The following COL26A1 variants were observed in gnomAD, a reference collection of about 807,000 sequenced individuals.
COL26A1 encodes the protein collagen alpha-1(XXVI) chain.
COL26A1 carries 41 observed loss-of-function variants against 59.3 expected under a neutral mutation model. The observed-to-expected ratio is 0.69, with a 90% CI of 0.54 to 0.90. The LOEUF (loss-of-function observed/expected upper bound fraction) is 0.90, where lower values mean the gene tolerates loss of function less well. Among genes scored for constraint, COL26A1 ranks in the 40% least tolerant of loss-of-function variants. The probability of loss-of-function intolerance (pLI) is 0.00; values close to 1 mark genes in which losing one functional copy is unlikely to be tolerated. For synonymous variants in COL26A1, 266 were observed against 256.0 expected, an observed-to-expected ratio of 1.04 and a Z score of -0.37; for missense variants, 612 against 602.3, an observed-to-expected ratio of 1.02 and a Z score of -0.17.
chr7:101,391,959 C>T (rs1003891698), intron 1 of COL26A1, among the ~76,000 whole-genome samples: 3 of 151,958 alleles, frequency 2.0e-5, no homozygotes, highest in Non-Finnish European at 4.4e-5. Flanking sequence ...CTCAAGTGAT[C>T]CTCCCGCCTC....
chr7:101,368,815 A>G (rs1791110013), intron 1 of COL26A1, among the ~76,000 whole-genome samples: 1 of 151,416 alleles, frequency 6.6e-6, no homozygotes, highest in Non-Finnish European at 1.5e-5. Flanking sequence ...TAGTACTATA[A>G]TTTTGACTCT....
rs567960401 is a variant in COL26A1, at chr7:101,435,354, G to GC, written c.282-12326dup. On this transcript the variant is annotated intron_variant, in intron 2 of 12. Transcript: ENST00000313669. ...AGACAGCTGTTCAGGCCATGTAGTC[G>GC]CCCCTGGAGGAAGCCCCTGGCTGGA... 4.6e-5 allele frequency among the ~76,000 whole-genome samples: 7 copies of GC among 152,132 alleles called. No individual in the cohort carries two copies. In the East Asian group the frequency reaches 9.6e-4, roughly 21 times the overall value.
chr7:101,489,168 A>AT (rs570855960), intron 3 of COL26A1, among the ~76,000 whole-genome samples: 8 of 150,468 alleles, frequency 5.3e-5, no homozygotes, highest in African/African-American at 1.2e-4. Context: ...GAGAGCCGTG[A>AT]TTTTTTTTTT....
chr7:101,540,537 TAAA>T (rs369850957), intron 5 of COL26A1, among the ~76,000 whole-genome samples: 1 of 119,114 alleles, frequency 8.4e-6, no homozygotes, highest in Non-Finnish European at 1.7e-5. Flanking sequence ...AAATTCCGTC[TAAA>T]AAAAAAAAAA....
intron 1 of COL26A1, among the ~76,000 whole-genome samples, chr7:101,414,940 C>T (rs925710545): frequency 7.2e-5 from 11 of 152,236 alleles, no homozygotes; most frequent in Non-Finnish European, 1.3e-4. Flanking sequence ...CTTTGCAGCT[C>T]AGCCTGTGGT....
rs1441678521 is a variant in COL26A1, at chr7:101,365,444, T to G, written c.158+2254T>G. On this transcript the variant is annotated intron_variant, in intron 1 of 12. Transcript: ENST00000313669. ...GTTTTTCTGGTTTCTGTGTTTTTTT[T>G]GAGACAGAGTCTCGCTCTGTCTCCC... 2.6e-5 allele frequency among the ~76,000 whole-genome samples: 4 copies of G among 152,122 alleles called. No individual in the cohort carries two copies. The East Asian group carries it at 5.8e-4, about 22-fold the overall frequency.
chr7:101,557,639 G>C lies in COL26A1; in HGVS notation c.*109G>C. 2 of 1,158,304 alleles carry C rather than the reference G, an allele frequency of 1.7e-6. No individual in the cohort carries two copies. Among genetic ancestry groups the C allele is most frequent in the Non-Finnish European group, 2.4e-6 (2 of 837,848 alleles). The allele number at this position is 1,158,304 out of a possible 1,614,324, so 71.8% of individuals were successfully genotyped here. ...CCAGGGGAACTGGGCTCCAGGCATG[G>C]ATGATTGTGAGGACATGGGGGGCTT... On this transcript the variant is annotated 3_prime_UTR_variant, in exon 13 of 13. Coordinates refer to ENST00000313669, the MANE Select transcript of COL26A1 (RefSeq NM_001278563.3).
At chr7:101,455,598 G>T (rs1562988869) in intron 3 of COL26A1, among the ~76,000 whole-genome samples, 1 of 150,178 alleles carries the variant, frequency 6.7e-6, no homozygotes, top group Non-Finnish European at 1.5e-5. Flanking sequence ...CGCCTCCCAG[G>T]CTCAAGCGAT....
At chr7:101,541,595 C>T (rs1391034605) in intron 5 of COL26A1, among the ~76,000 whole-genome samples, 2 of 151,912 alleles carry the variant, frequency 1.3e-5, no homozygotes, top group South Asian at 2.1e-4. Context: ...AAGCAATCCT[C>T]ATGCCTCGGC....
intron 1 of COL26A1, among the ~76,000 whole-genome samples, chr7:101,366,488 T>A (rs1791050748): frequency 4.3e-5 from 2 of 46,546 alleles, no homozygotes; most frequent in Non-Finnish European, 7.4e-5. Flanking sequence ...TTTTTTTTTT[T>A]TTTTTTTTTT....
rs1386520657 is a variant in COL26A1, at chr7:101,363,126, C to G, written c.94C>G (p.Leu32Val). ...CCTCTATCCCTTCTCGGCCGCAGCT[C>G]TGCAGCAGCACGGCTACCCCGAGCC... ...GFLYPFSAAA[L>V]QQHGYPEPGA... Residue 32 changes from leucine (L) to valine (V), a missense_variant, in exon 1 of 13, where the codon CTG (leucine) becomes GTG (valine). Physicochemically the swap from Leu to Val is conservative, Grantham distance 32 (BLOSUM62 1). Transcript: ENST00000313669. 1 of 1,535,224 alleles carries G rather than the reference C, an allele frequency of 6.5e-7. No individual in the cohort carries two copies. Among genetic ancestry groups the G allele is most frequent in the Non-Finnish European group, 8.7e-7 (1 of 1,149,254 alleles).
At chr7:101,542,158 G>T (rs1584500225) in intron 5 of COL26A1, among the ~76,000 whole-genome samples, 1 of 152,012 alleles carries the variant, frequency 6.6e-6, no homozygotes, top group South Asian at 2.1e-4. Context: ...ATACAGAAGG[G>T]GTTTTGTCAT....
At chr7:101,542,251 G>T (rs985488667) in intron 5 of COL26A1, among the ~76,000 whole-genome samples, 2 of 152,100 alleles carry the variant, frequency 1.3e-5, no homozygotes, top group African/African-American at 4.8e-5. Context: ...ACAGGTGTGA[G>T]CCAGCACACG....
intron 3 of COL26A1, among the ~76,000 whole-genome samples, chr7:101,522,217 T>A (rs1367896230): frequency 6.6e-6 from 1 of 152,134 alleles, no homozygotes; most frequent in Non-Finnish European, 1.5e-5. Flanking sequence ...CACCACCTCC[T>A]CCAGGAAGCC....
chr7:101,555,992 T>G, intron 12 of COL26A1, 121 bp downstream of exon 12: 1 of 743,440 alleles, frequency 1.3e-6, no homozygotes, highest in South Asian at 1.9e-5. Context: ...AGTCTGACCC[T>G]CCCCCTCCCC....
At chr7:101,404,398 G>T (rs1034796932) in intron 1 of COL26A1, among the ~76,000 whole-genome samples, 3 of 152,122 alleles carry the variant, frequency 2.0e-5, no homozygotes, top group African/African-American at 7.2e-5. Context: ...ATGTGAGACC[G>T]GGAGACACTT....
chr7:101,520,662 A>ACACACAC (rs915256077), intron 3 of COL26A1, among the ~76,000 whole-genome samples: 3 of 143,240 alleles, frequency 2.1e-5, no homozygotes, highest in Non-Finnish European at 3.1e-5. Flanking sequence ...ACACACACAC[A>ACACACAC]CCCCCGTGTT....
At chr7:101,378,945 C>A (rs1358653681) in intron 1 of COL26A1, among the ~76,000 whole-genome samples, 1 of 152,022 alleles carries the variant, frequency 6.6e-6, no homozygotes, top group Non-Finnish European at 1.5e-5. Flanking sequence ...TGGAGGCGAC[C>A]AGGCCTGCCA....
chr7:101,401,285 A>AG (rs1448324442), intron 1 of COL26A1, among the ~76,000 whole-genome samples: 3 of 152,188 alleles, frequency 2.0e-5, no homozygotes, highest in African/African-American at 7.2e-5. Context: ...CTTCTGGACA[A>AG]GAGGCAGCAC....
Sources: allele counts gnomAD v4.1 joint callset (sites outside exome capture counted in the v4.1 genomes callset), GRCh38; gene constraint gnomAD v4.1.1; transcripts MANE v1.5; gene names NCBI Gene and HGNC (gene_info 2026-07-23, HGNC 2026-07-21).